SHC3: variants seen among roughly 807,000 people sequenced by gnomAD.
The protein encoded by SHC3 is SHC-transforming protein 3.
Under a neutral mutation model 60.4 loss-of-function variants are expected in SHC3, and 15 were observed. The ratio of observed to expected loss-of-function variants is 0.25; its 90% CI spans 0.17 to 0.38. The LOEUF (loss-of-function observed/expected upper bound fraction) is 0.38, where lower values mean the gene tolerates loss of function less well. SHC3 is among the 10% of genes least tolerant of loss of function. The pLI, the probability that SHC3 is intolerant of heterozygous loss-of-function variation, is 1.00. For synonymous variants in SHC3, 294 were observed against 325.9 expected (o/e 0.90, Z 1.05); for missense variants, 677 against 786.1 (o/e 0.86, Z 1.66).
intron 1 of SHC3, among the ~76,000 whole-genome samples, chr9:89,126,926 T>A (rs114618911): frequency 0.017 from 2,571 of 152,274 alleles, 74 homozygotes; most frequent in African/African-American, 0.059. Context: ...GAGCTTGACC[T>A]TGTAACCATG....
intron 5 of SHC3, among the ~76,000 whole-genome samples, chr9:89,067,354 T>C (rs1825200364): frequency 6.6e-6 from 1 of 152,240 alleles, no homozygotes; most frequent in Non-Finnish European, 1.5e-5. Flanking sequence ...CTCCAGTGTT[T>C]GAGGTGGCAC....
intron 1 of SHC3, among the ~76,000 whole-genome samples, chr9:89,153,956 A>T (rs763796477): frequency 1.3e-4 from 20 of 152,016 alleles, no homozygotes; most frequent in Middle Eastern, 3.2e-3. Flanking sequence ...CCTCCTGACG[A>T]CCTTATAAAC....
chr9:89,089,975 C>A lies in SHC3; in HGVS notation c.546-12072G>T, dbSNP rs189724788. On this transcript the variant is annotated intron_variant, in intron 2 of 11. Coordinates refer to ENST00000375835, the MANE Select transcript of SHC3 (RefSeq NM_016848.6). ...AAAAACACTAAACTAAACTTACCTG[C>A]CCTGCCTTTAAAAACCACCCATGCA... Among the ~76,000 whole-genome samples, 353 of 152,314 alleles carry A rather than the reference C, an allele frequency of 2.3e-3. 5 individuals carry two copies. The highest frequency in any genetic ancestry group is 2.2e-3 in the Non-Finnish European group (149 of 68,020).
chr9:89,095,989 G>A (rs983091106), intron 2 of SHC3, among the ~76,000 whole-genome samples: 1 of 152,130 alleles, frequency 6.6e-6, no homozygotes, highest in African/African-American at 2.4e-5. Context: ...GTCCTCCGCA[G>A]CTATTAAAAG....
intron 1 of SHC3, among the ~76,000 whole-genome samples, chr9:89,152,203 T>C (rs989955893): frequency 6.6e-6 from 1 of 152,176 alleles, no homozygotes; most frequent in Non-Finnish European, 1.5e-5. Context: ...ACTTAGTGAA[T>C]TGTCACTTGT....
intron 1 of SHC3, among the ~76,000 whole-genome samples, chr9:89,114,911 C>T (rs1439416344): frequency 1.3e-5 from 2 of 152,088 alleles, no homozygotes; most frequent in Non-Finnish European, 2.9e-5. Flanking sequence ...AATACCACTA[C>T]CACTGATGTC....
At chr9:89,061,578 C>T (rs1825090763) in intron 6 of SHC3, among the ~76,000 whole-genome samples, 1 of 152,228 alleles carries the variant, frequency 6.6e-6, no homozygotes, top group African/African-American at 2.4e-5. Context: ...GATATGTAGG[C>T]TTCTCTCCCA....
Position 89,049,922 on chromosome 9 carries a change from A to G in SHC3, c.962+2115T>C, listed in dbSNP as rs563366781. 4.6e-5 allele frequency among the ~76,000 whole-genome samples: 7 copies of G among 152,136 alleles called. No homozygotes were observed. In the South Asian group the frequency reaches 1.0e-3, roughly 23 times the overall value. On this transcript the variant is annotated intron_variant, in intron 7 of 11. Transcript: ENST00000375835. ...CTACGTGGCTGCCCTGGAGTCACCG[A>G]GTCTACTCTGGCTGGGAGGCTGCTC...
intron 1 of SHC3, among the ~76,000 whole-genome samples, chr9:89,163,746 A>T (rs4876972): frequency 0.098 from 14,935 of 151,936 alleles, 858 homozygotes; most frequent in Admixed American, 0.15. Context: ...AAGTATAATT[A>T]AAAAAAGAAA....
chr9:89,057,631 A>G (rs1216499228), intron 6 of SHC3, among the ~76,000 whole-genome samples: 1 of 152,048 alleles, frequency 6.6e-6, no homozygotes, highest in Non-Finnish European at 1.5e-5. Context: ...CGAGAGCACA[A>G]AAAAAAACAT....
In SHC3 at chr9:89,178,170, C is replaced by A. The variant is rs61755089; in HGVS notation, c.291G>T (p.Ser97=). 2.3e-6 allele frequency: 3 copies of A among 1,299,016 alleles called. No homozygotes were observed. Among genetic ancestry groups the A allele is most frequent in the Non-Finnish European group, 2.9e-6 (3 of 1,025,150 alleles). 80.5% of individuals were successfully genotyped at this position (1,299,016 alleles called of 1,614,324 possible). A position where few individuals can be genotyped will look rare whatever the true frequency, so the allele number is the denominator to read the frequency against. Reference sequence around the variant, plus strand: ...CCAGGCTGGGCGCGCTGCAGCTGCCCGAGAGCCGCGCGCCCGCCCGCTCCC... The same window carrying A: ...CCAGGCTGGGCGCGCTGCAGCTGCCAGAGAGCCGCGCGCCCGCCCGCTCCC... ...AARERAGARL[S]GSCSAPSLAA... The change falls in exon 1 of 12, where the codon TCG becomes TCT. Residue 97 remains serine, a synonymous_variant. Coordinates refer to ENST00000375835, the MANE Select transcript of SHC3 (RefSeq NM_016848.6). This position sits in a 1 kb window ranked among gnomAD's most constrained non-coding sequence, Gnocchi z 6.9.
intron 2 of SHC3, among the ~76,000 whole-genome samples, chr9:89,081,858 C>G (rs1825449588): frequency 6.6e-6 from 1 of 152,156 alleles, no homozygotes; most frequent in Non-Finnish European, 1.5e-5. Flanking sequence ...CTCCAGGTGG[C>G]CACGGAAGAA....
intron 4 of SHC3, among the ~76,000 whole-genome samples, chr9:89,074,558 T>C (rs1305712620): frequency 6.6e-6 from 1 of 152,034 alleles, no homozygotes; most frequent in Non-Finnish European, 1.5e-5. Flanking sequence ...TAGCCTTAAT[T>C]AACACTGTGG....
At chr9:89,088,754 G>A (rs1038479762) in intron 2 of SHC3, 1 of 152,274 alleles carries the variant, frequency 6.6e-6, no homozygotes, top group Non-Finnish European at 1.5e-5. Context: ...CGGAGAGCAG[G>A]CAGAGGAGGG....
chr9:89,039,106 C>T (rs574969896), intron 10 of SHC3, among the ~76,000 whole-genome samples: 1 of 152,348 alleles, frequency 6.6e-6, no homozygotes, highest in South Asian at 2.1e-4. Context: ...ATGCACAGTG[C>T]TATGCAAGTG....
chr9:89,166,630 G>A (rs539759607), intron 1 of SHC3, among the ~76,000 whole-genome samples: 2 of 152,134 alleles, frequency 1.3e-5, no homozygotes, highest in South Asian at 4.2e-4. Flanking sequence ...CATACGAGGG[G>A]GCACCAATGA....
intron 2 of SHC3, among the ~76,000 whole-genome samples, chr9:89,083,106 A>G (rs1825471963): frequency 6.6e-6 from 1 of 152,032 alleles, no homozygotes; most frequent in South Asian, 2.1e-4. Context: ...CCAGCCACAC[A>G]CCAAACCCAT....
At chr9:89,029,737 A>G (rs1345567764) in intron 11 of SHC3, among the ~76,000 whole-genome samples, 1 of 152,230 alleles carries the variant, frequency 6.6e-6, no homozygotes, top group African/African-American at 2.4e-5. Context: ...GGGTAAAGAC[A>G]TTGTGAGGAA....
rs571913148 is a variant in SHC3, at chr9:89,162,535, G to C, written c.474+15452C>G. 1.3e-3 allele frequency among the ~76,000 whole-genome samples: 199 copies of C among 152,316 alleles called. 1 individual carries two copies. Among genetic ancestry groups the C allele is most frequent in the African/African-American group, 4.5e-3 (186 of 41,560 alleles). The stretch of plus-strand genomic sequence containing the variant: ...CAAATGATGCTGGGAAAACTGGCTA[G>C]CCATATGTAGAAAGCTGAAACTGGA... On this transcript the variant is annotated intron_variant, in intron 1 of 11. Transcript: ENST00000375835.
Sources: gnomAD v4.1 joint callset for allele counts (sites outside exome capture counted in the v4.1 genomes callset) on GRCh38, gnomAD v4.1.1 for gene constraint, Gnocchi (gnomAD v3.1) non-coding constraint, MANE v1.5 for transcripts, NCBI Gene and HGNC (gene_info 2026-07-23, HGNC 2026-07-21) for gene names.